MOBP: variants seen among roughly 807,000 people sequenced by gnomAD.
MOBP encodes myelin-associated oligodendrocyte basic protein.
A neutral mutation model predicts 15.0 loss-of-function variants in MOBP; 5 were observed. That is an observed-to-expected ratio of 0.33 (90% CI 0.17 to 0.70). MOBP has a LOEUF of 0.70. MOBP is among the 30% of genes least tolerant of loss of function. The probability of loss-of-function intolerance (pLI) is 0.67; values close to 1 mark genes in which losing one functional copy is unlikely to be tolerated. For synonymous variants in MOBP, 88 were observed against 99.0 expected (o/e 0.89, Z 0.66); for missense variants, 188 against 257.8 (o/e 0.73, Z 1.85).
rs1003618919 is a variant in MOBP at position 39,513,670 on chromosome 3, C to G, written c.*287C>G. 1.2e-4 allele frequency: 60 copies of G among 520,624 alleles called. No individual in the cohort carries two copies. The Middle Eastern group carries it at 4.9e-3, about 43-fold the overall frequency. 32.3% of individuals were successfully genotyped at this position (520,624 alleles called of 1,614,324 possible). A position where few individuals can be genotyped will look rare whatever the true frequency, so the allele number is the denominator to read the frequency against. On this transcript the variant is annotated 3_prime_UTR_variant, in exon 5 of 5. Coordinates refer to the MOBP transcript ENST00000311042. The stretch of plus-strand genomic sequence containing the variant: ...GGGGTTCCAGCAGCACCCGCAGGCT[C>G]TAGAGCTCAATGCACAGTTCTTTTT...
chr3:39,489,186 T>C (rs1039669199), intron 2 of MOBP, among the ~76,000 whole-genome samples: 43 of 152,238 alleles, frequency 2.8e-4, no homozygotes, highest in African/African-American at 9.9e-4. Flanking sequence ...TCAAATTAAA[T>C]TTCATTTCTT....
chr3:39,508,945 C>A (rs922524246), intron 4 of MOBP, among the ~76,000 whole-genome samples: 1 of 152,112 alleles, frequency 6.6e-6, no homozygotes, highest in African/African-American at 2.4e-5. Flanking sequence ...ATGAACACAA[C>A]TATATATACA....
chr3:39,516,622 T>A (rs2043205855), downstream of MOBP, among the ~76,000 whole-genome samples: 1 of 152,188 alleles, frequency 6.6e-6, no homozygotes, highest in Non-Finnish European at 1.5e-5. Context: ...TCAACTCACA[T>A]CTTTGAAATG....
chr3:39,493,512 T>A (rs2042831454), intron 2 of MOBP, among the ~76,000 whole-genome samples: 1 of 152,144 alleles, frequency 6.6e-6, no homozygotes, highest in Admixed American at 6.5e-5. Flanking sequence ...AGAGAGCATC[T>A]GGGGACAGGA....
Position 39,502,183 on chromosome 3 carries a change from G to T in MOBP, c.114G>T (p.Glu38Asp), listed in dbSNP as rs1575311384. 1 of 1,614,240 alleles carries T rather than the reference G, an allele frequency of 6.2e-7. No individual in the cohort carries two copies. Among genetic ancestry groups the T allele is most frequent in the South Asian group, 1.1e-5 (1 of 91,088 alleles). Residue 38 changes from glutamate to aspartate, a missense_variant, in exon 3 of 4, where the codon GAG (glutamate) becomes GAT (aspartate). Transcript: ENST00000684792. This position sits in a 1 kb window ranked among gnomAD's most constrained non-coding sequence, Gnocchi z 6.3. ...TCACCTTCCTCAATTCCAAGAAGGA[G>T]ATAGTGGATCGGAAATACAGCATCT... ...PPFTFLNSKKEIVDRKYSICK... is the reference protein window; with the variant it reads ...PPFTFLNSKKDIVDRKYSICK...
chr3:39,523,760 A>G (rs1306660584), intron 3 of MOBP, among the ~76,000 whole-genome samples: 1 of 152,182 alleles, frequency 6.6e-6, no homozygotes, highest in Non-Finnish European at 1.5e-5. Flanking sequence ...AGTGTCAGGA[A>G]AATGGGCAAG....
downstream of MOBP, chr3:39,528,564 A>C (rs1014059075): frequency 6.6e-6 from 1 of 152,258 alleles, no homozygotes; most frequent in Non-Finnish European, 1.5e-5. Context: ...CTGTGTATTG[A>C]TGAACCCCAA....
chr3:39,507,175 A>G (rs1465349693), downstream of MOBP, among the ~76,000 whole-genome samples: 1 of 152,228 alleles, frequency 6.6e-6, no homozygotes, highest in Non-Finnish European at 1.5e-5. Context: ...ATGTGAGCCT[A>G]TTCACTCAGC....
rs2043132115 is a variant in MOBP, at chr3:39,512,438, T to G, written c.*-945T>G. On this transcript the variant is annotated intron_variant, in intron 4 of 4. Coordinates refer to the MOBP transcript ENST00000311042. ...GATTCCTTCCTCAAATTTCAAGGGA[T>G]GTGTTCCAACCTTTCAGGCTACAAT... 2.0e-5 allele frequency among the ~76,000 whole-genome samples: 3 copies of G among 152,314 alleles called. No individual in the cohort carries two copies. In the South Asian group the frequency reaches 6.2e-4, roughly 32 times the overall value.
chr3:39,515,298 C>G (rs1226472346), exon 5 of MOBP: 1 of 152,196 alleles, frequency 6.6e-6, no homozygotes, highest in Non-Finnish European at 1.5e-5. Context: ...CATCTCTATT[C>G]AAATTCCAGC....
exon 5 of MOBP, chr3:39,515,751 T>A (rs1466407146): frequency 6.6e-6 from 1 of 152,244 alleles, no homozygotes; most frequent in Non-Finnish European, 1.5e-5. Context: ...AAATATCGTC[T>A]CAGAGGTGCT....
intron 2 of MOBP, among the ~76,000 whole-genome samples, chr3:39,488,828 C>A (rs1157290893): frequency 2.0e-5 from 3 of 152,164 alleles, no homozygotes; most frequent in African/African-American, 7.2e-5. Flanking sequence ...ACTGCTGCTG[C>A]CCTTGTCAAA....
chr3:39,504,036 T>G (rs1004671676), downstream of MOBP, among the ~76,000 whole-genome samples: 11 of 152,176 alleles, frequency 7.2e-5, no homozygotes, highest in African/African-American at 2.2e-4. Flanking sequence ...AAACAATCCA[T>G]AAATGAATAA....
At chr3:39,496,506 C>CT (rs1192978634) in intron 2 of MOBP, among the ~76,000 whole-genome samples, 93 of 136,864 alleles carry the variant, frequency 6.8e-4, no homozygotes, top group East Asian at 2.2e-3. Flanking sequence ...GCTTCCTTTT[C>CT]TTTTTTTTTT....
chr3:39,520,948 C>CTTT (rs561522506), downstream of MOBP, among the ~76,000 whole-genome samples: 4 of 147,580 alleles, frequency 2.7e-5, no homozygotes, highest in Admixed American at 6.7e-5. Flanking sequence ...GCTCTATATT[C>CTTT]TTTTTTTTTT....
intron 3 of MOBP, among the ~76,000 whole-genome samples, chr3:39,521,085 A>G (rs2043260825): frequency 6.6e-6 from 1 of 151,826 alleles, no homozygotes; most frequent in Non-Finnish European, 1.5e-5. Flanking sequence ...AGGAGCTGGG[A>G]TTATGGGTGT....
At chr3:39,474,071 A>G (rs1290497055) in intron 1 of MOBP, among the ~76,000 whole-genome samples, 4 of 152,152 alleles carry the variant, frequency 2.6e-5, no homozygotes, top group Non-Finnish European at 4.4e-5. Flanking sequence ...GGAGCTAAAT[A>G]TGTTTTTTAG....
intron 2 of MOBP, among the ~76,000 whole-genome samples, chr3:39,498,330 T>G (rs1007869714): frequency 6.6e-6 from 1 of 151,848 alleles, no homozygotes; most frequent in African/African-American, 2.4e-5. Flanking sequence ...AGGGCAGTTT[T>G]TTGTTGTTGT....
At chr3:39,511,497 G>A (rs1444249984) in intron 4 of MOBP, among the ~76,000 whole-genome samples, 1 of 152,154 alleles carries the variant, frequency 6.6e-6, no homozygotes, top group African/African-American at 2.4e-5. Context: ...TGATTGATGT[G>A]GGGTATTTTG....
Sources: gnomAD v4.1 joint callset for allele counts (sites outside exome capture counted in the v4.1 genomes callset) on GRCh38, gnomAD v4.1.1 for gene constraint, Gnocchi (gnomAD v3.1) non-coding constraint, MANE v1.5 for transcripts, NCBI Gene and HGNC (gene_info 2026-07-23, HGNC 2026-07-21) for gene names.